PDE7B: variants seen among roughly 807,000 people sequenced by gnomAD.
The protein encoded by PDE7B is phosphodiesterase 7B.
In PDE7B, 29 loss-of-function variants were observed where a neutral mutation model predicts 56.2. That is an observed-to-expected ratio of 0.52 (90% confidence interval 0.38 to 0.70). PDE7B has a LOEUF of 0.70. Among genes scored for constraint, PDE7B ranks in the 30% least tolerant of loss-of-function variants. PDE7B has a pLI of 0.00. For synonymous variants in PDE7B, 197 were observed against 196.9 expected (o/e 1.00, Z 0.00); for missense variants, 490 against 565.0 (o/e 0.87, Z 1.35).
intron 3 of PDE7B, among the ~76,000 whole-genome samples, chr6:136,131,501 T>G (rs1778116392): frequency 6.9e-6 from 1 of 145,840 alleles, no homozygotes; most frequent in South Asian, 2.3e-4. Flanking sequence ...CAGGTTTTTT[T>G]TTTTTTTTTT....
intron 8 of PDE7B, chr6:136,156,162 A>AGTGTGTGTGTGTGTGTGTGTGTGT (rs10625572): frequency 1.6e-4 from 41 of 252,084 alleles, no homozygotes; most frequent in Admixed American, 8.8e-4. Context: ...GAATGATCCA[A>AGTGTGTGTGTGTGTGTGTGTGTGT]GTGTGTGTGT....
At chr6:135,862,220 A>G (rs1446809566) in intron 1 of PDE7B, among the ~76,000 whole-genome samples, 2 of 151,976 alleles carry the variant, frequency 1.3e-5, no homozygotes, top group Middle Eastern at 3.4e-3. Flanking sequence ...GATATTTTCT[A>G]TAACATTTGA....
chr6:136,026,607 C>T (rs1776156163), intron 2 of PDE7B, among the ~76,000 whole-genome samples: 1 of 152,192 alleles, frequency 6.6e-6, no homozygotes. Context: ...GGCAGTACAG[C>T]AGAGTGCTAA....
At chr6:135,883,935 G>T (rs1775655687) in intron 1 of PDE7B, among the ~76,000 whole-genome samples, 1 of 152,202 alleles carries the variant, frequency 6.6e-6, no homozygotes, top group Non-Finnish European at 1.5e-5. Flanking sequence ...TTGCATGGTT[G>T]ATTTCCCCAT....
At chr6:135,856,602 A>G (rs1775032087) in intron 1 of PDE7B, among the ~76,000 whole-genome samples, 2 of 152,122 alleles carry the variant, frequency 1.3e-5, no homozygotes, top group Admixed American at 6.5e-5. Flanking sequence ...ATGCAGTTCA[A>G]TCACCTTAAT....
intron 2 of PDE7B, among the ~76,000 whole-genome samples, chr6:135,986,615 A>G (rs575992673): frequency 1.3e-5 from 2 of 152,342 alleles, no homozygotes; most frequent in South Asian, 4.1e-4. Context: ...TGTCCTGGAC[A>G]GCTCTGTCTG....
chr6:136,113,786 C>T (rs1312079406), intron 3 of PDE7B, among the ~76,000 whole-genome samples: 1 of 152,154 alleles, frequency 6.6e-6, no homozygotes, highest in Non-Finnish European at 1.5e-5. Flanking sequence ...GGGAGAGTTG[C>T]AGAAGCAATT....
chr6:135,946,703 G>A (rs117643436), intron 1 of PDE7B, among the ~76,000 whole-genome samples: 1,723 of 152,010 alleles, frequency 0.011, 20 homozygotes, highest in South Asian at 0.029. Context: ...ATTTTTCCTC[G>A]TCTATGAATT....
chr6:136,081,782 CAAG>C (rs1017205530), intron 2 of PDE7B, among the ~76,000 whole-genome samples: 16 of 152,338 alleles, frequency 1.1e-4, no homozygotes, highest in Admixed American at 6.5e-5. Flanking sequence ...ACTGCAAATA[CAAG>C]AAGAGATAGA....
At chr6:135,957,410 AC>A in intron 2 of PDE7B, among the ~76,000 whole-genome samples, 1 of 152,324 alleles carries the variant, frequency 6.6e-6, no homozygotes, top group Non-Finnish European at 1.5e-5. Context: ...ATTAAAAAAT[AC>A]AGAAAAGACA....
At chr6:135,985,413 G>A (rs1476303932) in intron 2 of PDE7B, among the ~76,000 whole-genome samples, 1 of 152,192 alleles carries the variant, frequency 6.6e-6, no homozygotes, top group Admixed American at 6.5e-5. Flanking sequence ...GAGGTCCAAA[G>A]TTTTCCATCA....
chr6:135,917,879 G>T (rs1231533310), intron 1 of PDE7B, among the ~76,000 whole-genome samples: 1 of 152,166 alleles, frequency 6.6e-6, no homozygotes, highest in African/African-American at 2.4e-5. Flanking sequence ...GATCTCAGCT[G>T]CATGCCCAAG....
chr6:136,130,810 T>C (rs575179197), intron 3 of PDE7B, among the ~76,000 whole-genome samples: 1 of 152,264 alleles, frequency 6.6e-6, no homozygotes, highest in East Asian at 1.9e-4. Flanking sequence ...CTCACAATCA[T>C]GGTGGGAGAT....
At chr6:135,995,362 A>G (rs1350243053) in intron 2 of PDE7B, among the ~76,000 whole-genome samples, 1 of 152,216 alleles carries the variant, frequency 6.6e-6, no homozygotes, top group African/African-American at 2.4e-5. Flanking sequence ...TATCTTGAAA[A>G]CATTAAAGAT....
chr6:135,967,669 C>T (rs867859034), intron 2 of PDE7B, among the ~76,000 whole-genome samples: 1 of 152,196 alleles, frequency 6.6e-6, no homozygotes, highest in African/African-American at 2.4e-5. Context: ...ATGTCCATAA[C>T]TGTCCTTCAT....
At chr6:136,146,374 T>C (rs1778412730) in intron 3 of PDE7B, among the ~76,000 whole-genome samples, 1 of 152,184 alleles carries the variant, frequency 6.6e-6, no homozygotes, top group Non-Finnish European at 1.5e-5. Context: ...TTCTGGACAA[T>C]CACTGTGATG....
intron 2 of PDE7B, among the ~76,000 whole-genome samples, chr6:135,985,880 G>A (rs1436225481): frequency 1.3e-5 from 2 of 152,130 alleles, no homozygotes; most frequent in East Asian, 3.9e-4. Context: ...TTGACAACGT[G>A]TTTTCTGTCT....
At chr6:136,116,731 A>G (rs535203670) in intron 3 of PDE7B, among the ~76,000 whole-genome samples, 4 of 152,240 alleles carry the variant, frequency 2.6e-5, no homozygotes, top group African/African-American at 4.8e-5. Context: ...ATAATGGACT[A>G]AAGTGCAGAG....
chr6:136,170,000 T>C lies in PDE7B; in HGVS notation c.712-3797T>C, dbSNP rs138295981. 1.8e-3 allele frequency among the ~76,000 whole-genome samples: 269 copies of C among 152,262 alleles called. 4 individuals are homozygous for C. Among genetic ancestry groups the C allele is most frequent in the African/African-American group, 6.1e-3 (253 of 41,548 alleles). Reference sequence around the variant, plus strand: ...CTCAGTCAGCCTCATGAAACTTACCTCATAACAAAGCCTTGGAGATAAATG... The same window carrying C: ...CTCAGTCAGCCTCATGAAACTTACCCCATAACAAAGCCTTGGAGATAAATG... On this transcript the variant is annotated intron_variant, in intron 8 of 12. Transcript: ENST00000308191.
Sources: gnomAD v4.1 joint callset for allele counts (sites outside exome capture counted in the v4.1 genomes callset) on GRCh38, gnomAD v4.1.1 for gene constraint, MANE v1.5 for transcripts, NCBI Gene and HGNC (gene_info 2026-07-23, HGNC 2026-07-21) for gene names.